PHLDB2: variants seen among roughly 807,000 people sequenced by gnomAD.
PHLDB2 encodes the protein pleckstrin homology like domain family B member 2.
Under a neutral mutation model 123.6 loss-of-function variants are expected in PHLDB2, and 71 were observed. The observed-to-expected ratio is 0.57, with a 90% CI of 0.47 to 0.70. PHLDB2 has a LOEUF of 0.70. Ranked by LOEUF, PHLDB2 falls within the 30% of genes least tolerant of loss-of-function variation. The probability of loss-of-function intolerance (pLI) is 0.00; values close to 1 mark genes in which losing one functional copy is unlikely to be tolerated. For missense variants in PHLDB2, 1,446 were observed against 1,519.5 expected, an observed-to-expected ratio of 0.95 and a Z score of 0.80; for synonymous variants, 547 against 541.6, an observed-to-expected ratio of 1.01 and a Z score of -0.14.
intron 1 of PHLDB2, among the ~76,000 whole-genome samples, chr3:111,861,987 G>T (rs1464206513): frequency 6.6e-6 from 1 of 151,912 alleles, no homozygotes; most frequent in Admixed American, 6.6e-5. Context: ...GATTACAGGC[G>T]CCTGCCACCA....
At chr3:111,859,612 G>T in intron 1 of PHLDB2, 36 bp downstream of exon 1, 12 of 985,288 alleles carry the variant, frequency 1.2e-5, no homozygotes, top group Non-Finnish European at 1.4e-5. Context: ...GGAGGAGGGG[G>T]TGGTGCCGAC....
intron 1 of PHLDB2, among the ~76,000 whole-genome samples, chr3:111,802,064 T>A (rs933854404): frequency 5.9e-5 from 9 of 152,238 alleles, no homozygotes; most frequent in African/African-American, 2.2e-4. Context: ...TTAACCAGGA[T>A]AGAAAGATTT....
intron 12 of PHLDB2, among the ~76,000 whole-genome samples, chr3:111,961,022 C>T (rs1330409363): frequency 1.3e-5 from 2 of 152,138 alleles, no homozygotes; most frequent in East Asian, 3.8e-4. Flanking sequence ...GCCAGGTGAC[C>T]GAGCACCAGG....
At position 111,966,594 on chromosome 3, in the gene PHLDB2, G is replaced by A. The variant is rs766408045; in HGVS notation, c.3078-19G>A. 1.3e-6 allele frequency: 2 copies of A among 1,583,360 alleles called. No homozygotes were observed. The highest frequency in any genetic ancestry group is 1.7e-5 in the Admixed American group (1 of 58,962). On this transcript the variant is annotated intron_variant, in intron 13 of 17. Coordinates refer to ENST00000431670, the MANE Select transcript of PHLDB2 (RefSeq NM_001134438.2). Reference sequence around the variant, plus strand: ...CAGTCTAAACCAATATTCTCAAAAGGCTTTGGTGTTTCATTCAGTGCCAGC... The same window carrying A: ...CAGTCTAAACCAATATTCTCAAAAGACTTTGGTGTTTCATTCAGTGCCAGC...
intron 1 of PHLDB2, among the ~76,000 whole-genome samples, chr3:111,740,755 G>T (rs2059589416): frequency 6.6e-6 from 1 of 152,146 alleles, no homozygotes. Flanking sequence ...GGTAGGCTAG[G>T]AAGAGGACAG....
rs193219271 is a variant in PHLDB2, at chr3:111,928,222, T to C, written c.2002-4047T>C. Among the ~76,000 whole-genome samples the C allele has an allele frequency of 7.9e-5, 12 of 152,372 alleles. No individual in the cohort carries two copies. The East Asian group carries it at 1.9e-3, about 24-fold the overall frequency. On this transcript the variant is annotated intron_variant, in intron 5 of 17. Coordinates refer to ENST00000431670, the MANE Select transcript of PHLDB2 (RefSeq NM_001134438.2). ...AAAAAATTTACAATTGGGATATTAT[T>C]TGTAAGAGAGGACTTTTATACTGTG... is the stretch of plus-strand genomic sequence containing the variant.
upstream of PHLDB2, chr3:111,859,183 T>C (rs2064660732): frequency 7.1e-6 from 7 of 985,218 alleles, no homozygotes; most frequent in Non-Finnish European, 8.4e-6. Flanking sequence ...CTTCGCTGTC[T>C]GGTGAGGAAA....
chr3:111,951,358 A>G (rs1459736287), intron 10 of PHLDB2, among the ~76,000 whole-genome samples: 1 of 152,220 alleles, frequency 6.6e-6, no homozygotes, highest in African/African-American at 2.4e-5. Context: ...TTAATGAGAT[A>G]ACGTATATAA....
chr3:111,892,193 C>T (rs2066543246), intron 2 of PHLDB2, among the ~76,000 whole-genome samples: 1 of 152,120 alleles, frequency 6.6e-6, no homozygotes, highest in Non-Finnish European at 1.5e-5. Context: ...ATATGGATTC[C>T]TTGAAAATAA....
intron 13 of PHLDB2, among the ~76,000 whole-genome samples, chr3:111,962,988 G>A (rs968401250): frequency 1.4e-4 from 21 of 151,506 alleles, no homozygotes; most frequent in Non-Finnish European, 2.5e-4. Flanking sequence ...TCCAACAGCA[G>A]TCAGAACTTT....
chr3:111,949,574 A>C (rs1048023221), intron 10 of PHLDB2: 4 of 385,350 alleles, frequency 1.0e-5, no homozygotes, highest in African/African-American at 8.8e-5. Context: ...AAATTGAAAG[A>C]TATTGCCCAT....
At chr3:111,817,622 C>G (rs1417405891) in intron 1 of PHLDB2, among the ~76,000 whole-genome samples, 1 of 152,182 alleles carries the variant, frequency 6.6e-6, no homozygotes, top group Non-Finnish European at 1.5e-5. Flanking sequence ...CCCATATTTT[C>G]TAGCATTTTG....
chr3:111,879,914 A>G (rs2065851563), intron 1 of PHLDB2, among the ~76,000 whole-genome samples: 3 of 149,994 alleles, frequency 2.0e-5, no homozygotes, highest in Non-Finnish European at 4.4e-5. Flanking sequence ...TCCTCTGTTA[A>G]TTCCTCTTGT....
At chr3:111,740,724 C>T (rs557742337) in intron 1 of PHLDB2, among the ~76,000 whole-genome samples, 2 of 151,976 alleles carry the variant, frequency 1.3e-5, no homozygotes, top group African/African-American at 2.4e-5. Flanking sequence ...GCTTGCCCCC[C>T]CACCAAATAC....
intron 1 of PHLDB2, among the ~76,000 whole-genome samples, chr3:111,843,779 T>C (rs2063804046): frequency 6.6e-6 from 1 of 152,250 alleles, no homozygotes; most frequent in Admixed American, 6.5e-5. Flanking sequence ...TCTCCTGCTC[T>C]GTGGGCTCTC....
At chr3:111,845,590 G>T (rs1559864573) in intron 1 of PHLDB2, among the ~76,000 whole-genome samples, 1 of 152,090 alleles carries the variant, frequency 6.6e-6, no homozygotes, top group Admixed American at 6.6e-5. Flanking sequence ...AGATAAAAGT[G>T]TGCTTTTGTT....
At chr3:111,766,834 A>C (rs9863403) in intron 1 of PHLDB2, among the ~76,000 whole-genome samples, 74,515 of 151,714 alleles carry the variant, frequency 0.49, 18,717 homozygotes, top group East Asian at 0.6. Flanking sequence ...GGAGTTCAAG[A>C]CCAGCCTGGC....
intron 2 of PHLDB2, among the ~76,000 whole-genome samples, chr3:111,895,855 A>AG (rs2107406913): frequency 9.9e-6 from 1 of 101,440 alleles, no homozygotes; most frequent in East Asian, 3.2e-4. Context: ...TCAAAAAAAA[A>AG]AAATCTATCT....
At chr3:111,848,949 G>A (rs969796232) in intron 2 of PHLDB2, among the ~76,000 whole-genome samples, 1 of 152,146 alleles carries the variant, frequency 6.6e-6, no homozygotes, top group African/African-American at 2.4e-5. Context: ...TGCCACCTAG[G>A]TTTGTGTAAG....
Sources: allele counts gnomAD v4.1 joint callset (sites outside exome capture counted in the v4.1 genomes callset), GRCh38; gene constraint gnomAD v4.1.1; transcripts MANE v1.5; gene names NCBI Gene and HGNC (gene_info 2026-07-23, HGNC 2026-07-21).